Variants in ARHGEF12 observed in about 807,000 individuals in gnomAD.
ARHGEF12 encodes KMT2A/ARHGEF12 fusion protein.
ARHGEF12 carries 66 observed loss-of-function variants against 211.2 expected under a neutral mutation model. The observed-to-expected ratio is 0.31, with a 90% CI of 0.26 to 0.38. The LOEUF is 0.38. Ranked by LOEUF, ARHGEF12 falls within the 10% of genes least tolerant of loss-of-function variation. The pLI, the probability that ARHGEF12 is intolerant of heterozygous loss-of-function variation, is 1.00. For missense variants in ARHGEF12, 1,429 were observed against 1,869.5 expected (o/e 0.76, Z 4.34); for synonymous variants, 592 against 638.4 (o/e 0.93, Z 1.09).
chr11:120,446,837 G>A (rs1305117824), intron 17 of ARHGEF12, 111 bp from the exon 18 acceptor site: 1 of 1,356,294 alleles, frequency 7.4e-7, no homozygotes, highest in South Asian at 1.5e-5. Context: ...GTGGAAAAGT[G>A]ACATTTTTCC....
At chr11:120,468,495 C>T (rs1223764525) in intron 29 of ARHGEF12, among the ~76,000 whole-genome samples, 2 of 152,178 alleles carry the variant, frequency 1.3e-5, no homozygotes, top group South Asian at 2.1e-4. Context: ...GTCGCCCAGG[C>T]TGGAGTGAAG....
intron 13 of ARHGEF12, 60 bp from the exon 14 acceptor site, chr11:120,441,647 T>C: frequency 7.4e-7 from 1 of 1,349,622 alleles, no homozygotes; most frequent in Non-Finnish European, 1.1e-6. Context: ...CAATTGAGCC[T>C]ACTTTGCATT....
At chr11:120,338,928 T>C (rs1438319305) in intron 1 of ARHGEF12, among the ~76,000 whole-genome samples, 1 of 152,154 alleles carries the variant, frequency 6.6e-6, no homozygotes, top group Non-Finnish European at 1.5e-5. Context: ...TTGGAATTTG[T>C]ATCCTCTTTA....
At chr11:120,341,069 GT>G (rs1241083929) in intron 1 of ARHGEF12, among the ~76,000 whole-genome samples, 1 of 152,046 alleles carries the variant, frequency 6.6e-6, no homozygotes, top group Non-Finnish European at 1.5e-5. Flanking sequence ...TAACATGTAG[GT>G]TTTTTTCTTT....
chr11:120,374,824 A>G (rs753503622), intron 1 of ARHGEF12, among the ~76,000 whole-genome samples: 1 of 152,230 alleles, frequency 6.6e-6, no homozygotes, highest in Non-Finnish European at 1.5e-5. Flanking sequence ...ACATTGAGTC[A>G]TACATATTAA....
At chr11:120,355,155 G>A (rs1466621562) in intron 1 of ARHGEF12, among the ~76,000 whole-genome samples, 1 of 152,086 alleles carries the variant, frequency 6.6e-6, no homozygotes, top group Non-Finnish European at 1.5e-5. Flanking sequence ...AAATAATGAG[G>A]GGGAAAGCAA....
At chr11:120,484,957 T>C (rs2136032601) in intron 40 of ARHGEF12, 110 bp from the exon 41 acceptor site, 1 of 1,169,194 alleles carries the variant, frequency 8.6e-7, no homozygotes. Context: ...GCTTACATAC[T>C]GATTCAGAAA....
intron 1 of ARHGEF12, among the ~76,000 whole-genome samples, chr11:120,396,576 T>G (rs1269424418): frequency 6.6e-6 from 1 of 152,196 alleles, no homozygotes; most frequent in African/African-American, 2.4e-5. Context: ...GAAAACTGAT[T>G]TTCAAAAGTG....
chr11:120,429,034 G>A (rs1182828436), intron 8 of ARHGEF12, among the ~76,000 whole-genome samples: 2 of 152,152 alleles, frequency 1.3e-5, no homozygotes, highest in Non-Finnish European at 2.9e-5. Context: ...ATAGGGTTGT[G>A]AAACAAGGAG....
intron 1 of ARHGEF12, among the ~76,000 whole-genome samples, chr11:120,403,936 C>T (rs1218985441): frequency 6.6e-6 from 1 of 152,220 alleles, no homozygotes; most frequent in Non-Finnish European, 1.5e-5. Flanking sequence ...CACTTTGTAG[C>T]TTTCAGACCT....
At chr11:120,359,991 A>G (rs1736032027) in intron 1 of ARHGEF12, among the ~76,000 whole-genome samples, 1 of 152,246 alleles carries the variant, frequency 6.6e-6, no homozygotes, top group African/African-American at 2.4e-5. Context: ...AATAAGACCA[A>G]GTCTCTAATA....
chr11:120,385,231 G>A, intron 1 of ARHGEF12: 1 of 865,760 alleles, frequency 1.2e-6, no homozygotes, highest in Non-Finnish European at 1.4e-6. Flanking sequence ...TCCATTAGCA[G>A]CGCAGTGTTG....
intron 16 of ARHGEF12, among the ~76,000 whole-genome samples, chr11:120,445,794 A>G (rs191246075): frequency 2.6e-5 from 4 of 152,200 alleles, no homozygotes; most frequent in Non-Finnish European, 4.4e-5. Context: ...GCTACTTAGG[A>G]GGCTGAGGCA....
chr11:120,343,614 T>G (rs1942602705), intron 1 of ARHGEF12, among the ~76,000 whole-genome samples: 3 of 152,228 alleles, frequency 2.0e-5, no homozygotes, highest in African/African-American at 7.2e-5. Flanking sequence ...TGAGTCCTGG[T>G]TTTTGAGATC....
chr11:120,481,222 G>A, intron 38 of ARHGEF12, 38 bp from the exon 39 acceptor site: 1 of 1,574,772 alleles, frequency 6.4e-7, no homozygotes, highest in Non-Finnish European at 8.7e-7. Flanking sequence ...TCTAATGGCA[G>A]CACTGGTCTT....
intron 39 of ARHGEF12, among the ~76,000 whole-genome samples, chr11:120,481,917 G>A (rs1591649008): frequency 1.3e-5 from 2 of 151,762 alleles, no homozygotes; most frequent in Non-Finnish European, 1.5e-5. Context: ...CCGCCCCCAC[G>A]CCCAGCTAAT....
At chr11:120,465,920 C>T (rs1214759456) in intron 28 of ARHGEF12, among the ~76,000 whole-genome samples, 3 of 152,136 alleles carry the variant, frequency 2.0e-5, no homozygotes, top group Non-Finnish European at 4.4e-5. Flanking sequence ...AGTAAACAAC[C>T]GTATGCTCTA....
At chr11:120,371,623 A>G (rs116746116) in intron 1 of ARHGEF12, among the ~76,000 whole-genome samples, 2,010 of 152,316 alleles carry the variant, frequency 0.013, 53 homozygotes, top group African/African-American at 0.046. Context: ...GTAAACATAC[A>G]CTCACCTCAG....
At chr11:120,449,675 G>A (rs1002866939) in intron 21 of ARHGEF12, 3 of 152,064 alleles carry the variant, frequency 2.0e-5, no homozygotes, top group African/African-American at 7.3e-5. Flanking sequence ...CTCAAGCCTG[G>A]GTGACACTGG....
Sources: gnomAD v4.1 joint callset for allele counts (sites outside exome capture counted in the v4.1 genomes callset) on GRCh38, gnomAD v4.1.1 for gene constraint, MANE v1.5 for transcripts, NCBI Gene and HGNC (gene_info 2026-07-23, HGNC 2026-07-21) for gene names.